COL17A1: variants seen among roughly 807,000 people sequenced by gnomAD.
The protein encoded by COL17A1 is collagen type XVII alpha 1 chain, also known as collagen alpha-1(XVII) chain.
Under a neutral mutation model 218.4 loss-of-function variants are expected in COL17A1, and 181 were observed. The ratio of observed to expected loss-of-function variants is 0.83; its 90% CI spans 0.73 to 0.94. COL17A1 has a LOEUF of 0.94. COL17A1 is among the 40% of genes least tolerant of loss of function. The probability of loss-of-function intolerance (pLI) is 0.00; values close to 1 mark genes in which losing one functional copy is unlikely to be tolerated. For missense variants in COL17A1, 1,924 were observed against 1,945.9 expected (o/e 0.99, Z 0.21); for synonymous variants, 721 against 731.0 (o/e 0.99, Z 0.22).
rs772241164 is a variant in COL17A1, at chr10:104,055,926, T to G, written c.1543A>C (p.Ser515Arg). Reference sequence around the variant, plus strand: ...CGGTCCTTTTCTATTCTATCCATGCTGTCCCCATAGGGCAGTATGCTCCTC... The same window carrying G: ...CGGTCCTTTTCTATTCTATCCATGCGGTCCCCATAGGGCAGTATGCTCCTC... The part of the protein sequence containing the change: ...IRRSILPYGD[S>R]MDRIEKDRLQ... The change falls in exon 18 of 56, where the codon AGC (serine) becomes CGC (arginine). Residue 515 changes from serine to arginine, a missense_variant. Coordinates refer to ENST00000648076, the MANE Select transcript of COL17A1 (RefSeq NM_000494.4). 72 of 1,614,082 alleles carry G rather than the reference T, an allele frequency of 4.5e-5. No individual in the cohort carries two copies. In the Middle Eastern group the frequency reaches 6.6e-4, roughly 15 times the overall value.
In COL17A1 at chr10:104,032,150, C is replaced by G. The variant is rs1844692612; in HGVS notation, c.*85G>C. 1 of 1,089,582 alleles carries G rather than the reference C, an allele frequency of 9.2e-7. No homozygotes were observed. The highest frequency in any genetic ancestry group is 1.4e-6 in the Non-Finnish European group (1 of 707,858). 67.5% of individuals were successfully genotyped at this position (1,089,582 alleles called of 1,614,324 possible). On this transcript the variant is annotated 3_prime_UTR_variant, in exon 56 of 56. Coordinates refer to ENST00000648076, the MANE Select transcript of COL17A1 (RefSeq NM_000494.4). ...TGTCTCAGTAGGACATTGACAGACT[C>G]CAGCTTTCACCCTCTGGAGACCTTG... is the stretch of plus-strand genomic sequence containing the variant.
rs1370154604 is a variant in COL17A1, at chr10:104,041,062, T to C, written c.2701+3A>G. 2.5e-6 allele frequency: 4 copies of C among 1,614,108 alleles called. No individual in the cohort carries two copies. The highest frequency in any genetic ancestry group is 1.3e-5 in the African/African-American group (1 of 75,034). On this transcript the variant is annotated splice_donor_region_variant and intron_variant, in intron 39 of 55. Transcript: ENST00000648076. ...CAGGTGCGACTTGACTCCCTGACAT[T>C]ACCTGAGTTGGACAGGAACGATCCT...
At chr10:104,062,109 A>G in intron 12 of COL17A1, 149 bp downstream of exon 12, 1 of 1,224,962 alleles carries the variant, frequency 8.2e-7, no homozygotes, top group Non-Finnish European at 1.2e-6. Context: ...GAGCCAGTTA[A>G]TGATCAAGAT....
At position 104,042,419 on chromosome 10, in the gene COL17A1, C is replaced by G. The variant is rs112151584; in HGVS notation, c.2551+1G>C. 6.2e-7 allele frequency: 1 copy of G among 1,614,036 alleles called. No individual in the cohort carries two copies. The highest frequency in any genetic ancestry group is 8.5e-7 in the Non-Finnish European group (1 of 1,180,018). On this transcript the variant is annotated splice_donor_variant, in intron 36 of 55. Coordinates refer to ENST00000648076, the MANE Select transcript of COL17A1 (RefSeq NM_000494.4). LOFTEE classifies it high-confidence loss of function. ...TTGCATTCTTGCAGGGTGTGACATACCTTGATGTCCTGGGAGACCAGCTGG... is the reference window on the plus strand; with the variant it reads ...TTGCATTCTTGCAGGGTGTGACATAGCTTGATGTCCTGGGAGACCAGCTGG...
chr10:104,064,293 A>AG, intron 10 of COL17A1, 145 bp downstream of exon 10: 1 of 1,355,650 alleles, frequency 7.4e-7, no homozygotes. Flanking sequence ...CTGAAGTTCC[A>AG]GGGGGAATCT....
chr10:104,039,866 C>T, intron 41 of COL17A1, 107 bp downstream of exon 41: 1 of 1,492,906 alleles, frequency 6.7e-7, no homozygotes, highest in Non-Finnish European at 9.3e-7. Flanking sequence ...TCTACTCTTG[C>T]TTATTTGCAC....
chr10:104,040,119 C>T (rs2086343572), intron 40 of COL17A1, 120 bp from the exon 41 acceptor site: 16 of 1,216,692 alleles, frequency 1.3e-5, no homozygotes, highest in South Asian at 6.1e-5. Context: ...CTTGGGGTTC[C>T]TTGTGCCTCT....
chr10:104,050,961 C>T lies in COL17A1; in HGVS notation c.2039-60G>A, dbSNP rs2086463763. The T allele has an allele frequency of 6.2e-6, 10 of 1,611,916 alleles. No homozygotes were observed. In the Admixed American group the frequency reaches 1.2e-4, roughly 19 times the overall value. ...TATCCCTAGCTTTGGAATGATGAGA[C>T]ATGTATGCACACACATGCACACATA... On this transcript the variant is annotated intron_variant, in intron 25 of 55. Coordinates refer to ENST00000648076, the MANE Select transcript of COL17A1 (RefSeq NM_000494.4).
intron 48 of COL17A1, among the ~76,000 whole-genome samples, chr10:104,036,105 A>AGTGTATGG (rs1564671289): frequency 0.013 from 11 of 826 alleles, no homozygotes; most frequent in Admixed American, 0.019. Flanking sequence ...TGTGTATGGG[A>AGTGTATGG]GTGTGTGTGT....
Position 104,050,009 on chromosome 10 carries a change from C to T in COL17A1, c.2164+80G>A, listed in dbSNP as rs1247413788. ...TTTAAACAGATTCGGTCTCTTACTT[C>T]TGGATTTTTTCCAACCTAGTGACTG... On this transcript the variant is annotated intron_variant, in intron 28 of 55. Transcript: ENST00000648076. 2.5e-6 allele frequency: 4 copies of T among 1,607,786 alleles called. No individual in the cohort carries two copies. The East Asian group carries it at 6.7e-5, about 27-fold the overall frequency.
rs150370475 is a variant in COL17A1 at position 104,050,207 on chromosome 10, G to A, written c.2129-83C>T. 6.5e-5 allele frequency: 103 copies of A among 1,589,302 alleles called. No individual in the cohort carries two copies. The African/African-American group carries it at 1.3e-3, about 20-fold the overall frequency. ...TCACCCAGTAACAGGGTCCCCGGCT[G>A]CAGGGTAGTTCTCACTGTATCCGTG... On this transcript the variant is annotated intron_variant, in intron 27 of 55. Transcript: ENST00000648076.
intron 7 of COL17A1, among the ~76,000 whole-genome samples, chr10:104,072,682 C>A (rs750642147): frequency 6.6e-6 from 1 of 152,184 alleles, no homozygotes; most frequent in Non-Finnish European, 1.5e-5. Flanking sequence ...TCAGCCCTAA[C>A]ATGCTGCCCC....
chr10:104,061,272 C>T, intron 13 of COL17A1, 133 bp downstream of exon 13: 2 of 896,852 alleles, frequency 2.2e-6, no homozygotes, highest in Non-Finnish European at 3.4e-6. Context: ...GTTTGCAGGC[C>T]TAAGACCACT....
intron 52 of COL17A1, 80 bp from the exon 53 acceptor site, chr10:104,033,455 T>G: frequency 2.6e-6 from 4 of 1,526,720 alleles, no homozygotes; most frequent in Non-Finnish European, 3.6e-6. Context: ...GCCCTCCGAG[T>G]GTCAAACTCC....
At chr10:104,054,162 T>G in intron 20 of COL17A1, 44 bp from the exon 21 acceptor site, 1 of 1,585,362 alleles carries the variant, frequency 6.3e-7, no homozygotes, top group Non-Finnish European at 8.6e-7. Flanking sequence ...GCCAGAAGAC[T>G]GTGCCCAATT....
At position 104,039,656 on chromosome 10, in the gene COL17A1, A is replaced by G. The variant is rs777101041; in HGVS notation, c.2789-16T>C. 2.5e-5 allele frequency: 40 copies of G among 1,613,970 alleles called. No homozygotes were observed. The highest frequency in any genetic ancestry group is 3.4e-5 in the Non-Finnish European group (40 of 1,180,018). Reference sequence around the variant, plus strand: ...CCTTGCTCGCCTGAGGAACACACCAAGGGAGGGACAGTCAGCCTCACTTTT... The same window carrying G: ...CCTTGCTCGCCTGAGGAACACACCAGGGGAGGGACAGTCAGCCTCACTTTT... On this transcript the variant is annotated splice_polypyrimidine_tract_variant and intron_variant, in intron 41 of 55. Coordinates refer to ENST00000648076, the MANE Select transcript of COL17A1 (RefSeq NM_000494.4).
At chr10:104,069,176 T>C (rs1360584469) in intron 9 of COL17A1, among the ~76,000 whole-genome samples, 1 of 152,150 alleles carries the variant, frequency 6.6e-6, no homozygotes, top group Non-Finnish European at 1.5e-5. Context: ...TTCAAGTAGA[T>C]TTTACAGAAA....
chr10:104,052,125 CTT>C (rs1350607540), intron 24 of COL17A1, 28 bp downstream of exon 24: 1 of 1,613,940 alleles, frequency 6.2e-7, no homozygotes, highest in African/African-American at 1.3e-5. Context: ...CTCTGGAAAA[CTT>C]TGATTCCTTC....
At chr10:104,048,573 G>A (rs765170325) in intron 29 of COL17A1, among the ~76,000 whole-genome samples, 11 of 152,064 alleles carry the variant, frequency 7.2e-5, no homozygotes, top group Admixed American at 2.0e-4. Context: ...CAACTTTTTG[G>A]GACCACTTGA....
Sources: gnomAD v4.1 joint callset for allele counts (sites outside exome capture counted in the v4.1 genomes callset) on GRCh38, gnomAD v4.1.1 for gene constraint, MANE v1.5 for transcripts, NCBI Gene and HGNC (gene_info 2026-07-23, HGNC 2026-07-21) for gene names.